Variants in GRID1 observed in about 807,000 individuals in gnomAD.
GRID1 encodes the protein glutamate receptor ionotropic, delta-1.
GRID1 carries 28 observed loss-of-function variants against 98.0 expected under a neutral mutation model. The ratio of observed to expected loss-of-function variants is 0.29; its 90% CI spans 0.21 to 0.39. The LOEUF is 0.39. Ranked by LOEUF, GRID1 falls within the 10% of genes least tolerant of loss-of-function variation. The probability of loss-of-function intolerance (pLI) is 1.00; values close to 1 mark genes in which losing one functional copy is unlikely to be tolerated. For synonymous variants in GRID1, 553 were observed against 538.5 expected, an observed-to-expected ratio of 1.03 and a Z score of -0.37; for missense variants, 1,111 against 1,340.5, an observed-to-expected ratio of 0.83 and a Z score of 2.67.
At chr10:85,682,934 C>T (rs962525333) in intron 12 of GRID1, among the ~76,000 whole-genome samples, 1 of 152,212 alleles carries the variant, frequency 6.6e-6, no homozygotes, top group African/African-American at 2.4e-5. Flanking sequence ...GGCTAGGAAG[C>T]CTTTCATTTG....
At chr10:85,628,244 G>A (rs1842934541) in intron 13 of GRID1, among the ~76,000 whole-genome samples, 1 of 151,792 alleles carries the variant, frequency 6.6e-6, no homozygotes, top group Non-Finnish European at 1.5e-5. Context: ...AATAATATAT[G>A]TGCAGGTATG....
chr10:86,065,456 G>A (rs1843706820), intron 4 of GRID1, among the ~76,000 whole-genome samples: 1 of 152,218 alleles, frequency 6.6e-6, no homozygotes, highest in African/African-American at 2.4e-5. Context: ...CTTGGCTCCA[G>A]CACAGCTGAG....
chr10:86,231,229 G>A (rs1039711774), intron 2 of GRID1, among the ~76,000 whole-genome samples: 3 of 152,176 alleles, frequency 2.0e-5, no homozygotes, highest in African/African-American at 7.2e-5. Context: ...TGGTTGGTTT[G>A]CTGCTAATCT....
In GRID1 at chr10:85,599,683, T is replaced by A. The variant is rs1842541913; in HGVS notation, c.*2590A>T. The A allele has an allele frequency of 6.7e-6, 1 of 149,560 alleles. No homozygotes were observed. Among genetic ancestry groups the A allele is most frequent in the African/African-American group, 2.5e-5 (1 of 40,444 alleles). 9.3% of individuals were successfully genotyped at this position (149,560 alleles called of 1,614,324 possible). A position where few individuals can be genotyped will look rare whatever the true frequency, so the allele number is the denominator to read the frequency against. On this transcript the variant is annotated 3_prime_UTR_variant, in exon 16 of 16. Coordinates refer to ENST00000327946, the MANE Select transcript of GRID1 (RefSeq NM_017551.3). ...CAAAGAGCAAAGCATGAAAAAAAGA[T>A]ACATTCTGAGCTGACACAGAAATCT...
intron 6 of GRID1, among the ~76,000 whole-genome samples, chr10:85,865,173 A>G (rs7086288): frequency 0.16 from 23,616 of 152,196 alleles, 1,984 homozygotes; most frequent in Middle Eastern, 0.19. Context: ...ACAAGAATCA[A>G]AAACACACAA....
At chr10:85,751,148 G>A (rs1286801416) in intron 8 of GRID1, among the ~76,000 whole-genome samples, 1 of 152,160 alleles carries the variant, frequency 6.6e-6, no homozygotes, top group African/African-American at 2.4e-5. Context: ...AGCCATGAAT[G>A]TATAAGAATC....
Position 85,730,174 on chromosome 10 carries a change from AG to A in GRID1, c.1234-561del, listed in dbSNP as rs1270278927. 2.6e-5 allele frequency among the ~76,000 whole-genome samples: 4 copies of A among 152,330 alleles called. No individual in the cohort carries two copies. In the East Asian group the frequency reaches 7.7e-4, roughly 29 times the overall value. ...CCCTCATTTTCCTTGACAGGCAGGT[AG>A]AGGCTAATGGCAGAGTAAATGTGCT... On this transcript the variant is annotated intron_variant, in intron 8 of 15. Coordinates refer to ENST00000327946, the MANE Select transcript of GRID1 (RefSeq NM_017551.3).
chr10:85,924,968 G>T (rs567286462), intron 4 of GRID1, among the ~76,000 whole-genome samples: 8 of 152,262 alleles, frequency 5.3e-5, no homozygotes, highest in African/African-American at 1.9e-4. Flanking sequence ...GGCTGTGCAG[G>T]GAGTGCAATT....
intron 13 of GRID1, among the ~76,000 whole-genome samples, chr10:85,631,985 GCACACA>G (rs10634848): frequency 5.4e-5 from 8 of 147,752 alleles, no homozygotes; most frequent in Middle Eastern, 3.2e-3. Context: ...AAACACATAT[GCACACA>G]CACACACACA....
At chr10:86,003,441 T>C (rs1268674675) in intron 4 of GRID1, among the ~76,000 whole-genome samples, 1 of 152,258 alleles carries the variant, frequency 6.6e-6, no homozygotes, top group East Asian at 1.9e-4. Context: ...CTGGCACTTG[T>C]GCCCCATTTA....
intron 2 of GRID1, among the ~76,000 whole-genome samples, chr10:86,300,973 A>G (rs1377208555): frequency 1.3e-5 from 2 of 152,208 alleles, no homozygotes; most frequent in Admixed American, 6.5e-5. Context: ...TTCAAATTCC[A>G]TCTCCACCAT....
At chr10:85,835,008 C>G (rs1012914851) in intron 8 of GRID1, among the ~76,000 whole-genome samples, 1 of 151,846 alleles carries the variant, frequency 6.6e-6, no homozygotes, top group African/African-American at 2.4e-5. Flanking sequence ...AAAAATATAC[C>G]ATGCAGACAT....
At chr10:86,314,707 C>T (rs1847875409) in intron 2 of GRID1, among the ~76,000 whole-genome samples, 1 of 152,204 alleles carries the variant, frequency 6.6e-6, no homozygotes, top group South Asian at 2.1e-4. Context: ...AAGTCAACCT[C>T]AGCTCTTGGG....
intron 6 of GRID1, among the ~76,000 whole-genome samples, chr10:85,856,883 G>A (rs191512361): frequency 6.6e-6 from 1 of 152,364 alleles, no homozygotes. Flanking sequence ...TACAGAGGGA[G>A]CAGGATCAAG....
intron 12 of GRID1, among the ~76,000 whole-genome samples, chr10:85,674,319 C>T (rs556828879): frequency 6.6e-6 from 1 of 152,202 alleles, no homozygotes; most frequent in South Asian, 2.1e-4. Context: ...TAGAAAGCCC[C>T]CCTCAGAACG....
chr10:85,880,050 C>A (rs1055050536), intron 5 of GRID1, among the ~76,000 whole-genome samples: 3 of 152,192 alleles, frequency 2.0e-5, no homozygotes, highest in African/African-American at 7.2e-5. Context: ...TCAACACATA[C>A]ACCCTTCCAA....
At chr10:85,830,474 A>G (rs111574296) in intron 8 of GRID1, among the ~76,000 whole-genome samples, 21 of 152,322 alleles carry the variant, frequency 1.4e-4, no homozygotes, top group Admixed American at 5.9e-4. Context: ...TCAGTAAACT[A>G]AGGAGCTTCT....
chr10:85,863,772 G>A (rs945747361), intron 6 of GRID1, among the ~76,000 whole-genome samples: 10 of 152,188 alleles, frequency 6.6e-5, no homozygotes, highest in Admixed American at 2.0e-4. Flanking sequence ...CTGCCTTCCT[G>A]GCAGCAGCAC....
At chr10:85,741,027 T>C (rs896576143) in intron 8 of GRID1, among the ~76,000 whole-genome samples, 5 of 152,146 alleles carry the variant, frequency 3.3e-5, no homozygotes, top group African/African-American at 1.2e-4. Context: ...GTGCTGGGAT[T>C]ACAGGTGAGC....
Sources: allele counts gnomAD v4.1 joint callset (sites outside exome capture counted in the v4.1 genomes callset), GRCh38; gene constraint gnomAD v4.1.1; transcripts MANE v1.5; gene names NCBI Gene and HGNC (gene_info 2026-07-23, HGNC 2026-07-21).